The following WDR49 variants were observed in gnomAD, a reference collection of about 807,000 sequenced individuals.
WDR49 encodes WD repeat domain 49, also known as cilia- and flagella-associated protein 337.
Under a neutral mutation model 119.5 loss-of-function variants are expected in WDR49, and 107 were observed. The ratio of observed to expected loss-of-function variants is 0.90; its 90% CI spans 0.77 to 1.05. WDR49 has a LOEUF of 1.05. WDR49 is among the 50% of genes least tolerant of loss of function. WDR49 has a pLI of 0.00. For synonymous variants in WDR49, 425 were observed against 418.8 expected (o/e 1.01, Z -0.18); for missense variants, 1,240 against 1,220.5 (o/e 1.02, Z -0.24).
chr3:167,564,185 C>A (rs957174645), intron 8 of WDR49, among the ~76,000 whole-genome samples: 1 of 152,186 alleles, frequency 6.6e-6, no homozygotes, highest in African/African-American at 2.4e-5. Flanking sequence ...CTCGTGAAAT[C>A]TAAGTCAGTC....
intron 7 of WDR49, among the ~76,000 whole-genome samples, chr3:167,589,538 T>C (rs149550637): frequency 1.3e-5 from 2 of 152,282 alleles, no homozygotes; most frequent in African/African-American, 4.8e-5. Flanking sequence ...AATATGGACA[T>C]TTTAACAATA....
At chr3:167,523,174 G>C (rs1752514577) in intron 15 of WDR49, among the ~76,000 whole-genome samples, 1 of 152,112 alleles carries the variant, frequency 6.6e-6, no homozygotes, top group South Asian at 2.1e-4. Flanking sequence ...CTTGTCATAA[G>C]TGTTTGCAGA....
At position 167,575,871 on chromosome 3, in the gene WDR49, G is replaced by C. The variant is rs749504267; in HGVS notation, c.1509+47C>G. 2.6e-5 allele frequency: 41 copies of C among 1,577,862 alleles called. No homozygotes were observed. In the East Asian group the frequency reaches 9.0e-4, roughly 35 times the overall value. ...ACTGAATTAAGTAAATGAGCCTCTG[G>C]ACTTGGAGATATGTTAGGAGAGTGA... On this transcript the variant is annotated intron_variant, in intron 8 of 18. Coordinates refer to ENST00000682715, the MANE Select transcript of WDR49 (RefSeq NM_001366157.1).
At chr3:167,601,067 G>A (rs1178529908) in intron 7 of WDR49, among the ~76,000 whole-genome samples, 5 of 152,130 alleles carry the variant, frequency 3.3e-5, no homozygotes, top group Non-Finnish European at 7.4e-5. Context: ...TGAAAATAGA[G>A]AGATATATTA....
intron 16 of WDR49, among the ~76,000 whole-genome samples, chr3:167,507,898 A>G (rs1318805435): frequency 6.6e-6 from 1 of 152,222 alleles, no homozygotes; most frequent in East Asian, 1.9e-4. Context: ...GGGAACTGGA[A>G]AAAGGCAAAT....
intron 4 of WDR49, 44 bp downstream of exon 4, chr3:167,621,423 A>C (rs1162180096): frequency 3.5e-6 from 5 of 1,424,178 alleles, no homozygotes; most frequent in Middle Eastern, 1.8e-4. Flanking sequence ...CTACAGTTTG[A>C]TGATTAAATC....
chr3:167,591,197 C>A (rs1234630200), intron 7 of WDR49, among the ~76,000 whole-genome samples: 1 of 151,806 alleles, frequency 6.6e-6, no homozygotes, highest in East Asian at 1.9e-4. Context: ...GTTTAATTTC[C>A]ATGTATTTGT....
intron 18 of WDR49, among the ~76,000 whole-genome samples, chr3:167,491,785 G>T (rs1751141795): frequency 6.6e-6 from 1 of 152,122 alleles, no homozygotes; most frequent in African/African-American, 2.4e-5. Context: ...TATCAAAGAG[G>T]GGTTTCAAGC....
Position 167,626,965 on chromosome 3 carries a change from C to G in WDR49, c.493G>C (p.Ala165Pro). ...YLTISKEGLL[A>P]IWGEHLKLQE... ...AGCTTTAAATGCTCTCCCCAGATTG[C>G]CAATAAACCTTCTTTACTAATTGTC... Residue 165 changes from alanine (A) to proline (P), a missense_variant, in exon 3 of 19, where the codon GCA (alanine) becomes CCA (proline). Coordinates refer to ENST00000682715, the MANE Select transcript of WDR49 (RefSeq NM_001366157.1). The G allele has an allele frequency of 7.5e-7, 1 of 1,334,264 alleles. No individual in the cohort carries two copies. Among genetic ancestry groups the G allele is most frequent in the Non-Finnish European group, 9.6e-7 (1 of 1,043,870 alleles). The allele number at this position is 1,334,264 out of a possible 1,614,324, so 82.7% of individuals were successfully genotyped here. A position where few individuals can be genotyped will look rare whatever the true frequency, so the allele number is the denominator to read the frequency against.
chr3:167,592,085 T>G (rs1044474657), intron 7 of WDR49, among the ~76,000 whole-genome samples: 1 of 152,162 alleles, frequency 6.6e-6, no homozygotes, highest in Non-Finnish European at 1.5e-5. Context: ...AGTTTGAGGT[T>G]ACCATGAGGC....
At chr3:167,595,065 A>C (rs1715340369) in intron 7 of WDR49, among the ~76,000 whole-genome samples, 1 of 150,486 alleles carries the variant, frequency 6.6e-6, no homozygotes, top group Non-Finnish European at 1.5e-5. Context: ...GCATTCTTAT[A>C]CACCAACAAC....
intron 7 of WDR49, among the ~76,000 whole-genome samples, chr3:167,592,077 T>G (rs1407314024): frequency 6.6e-6 from 1 of 152,166 alleles, no homozygotes; most frequent in African/African-American, 2.4e-5. Context: ...TGTTTTTTAG[T>G]TTGAGGTTAC....
In WDR49 at chr3:167,492,900, G is replaced by A. The variant is rs73878725; in HGVS notation, c.3031+7253C>T. Reference sequence around the variant, plus strand: ...GTAATTTTGAAGGTCCCAACATGACGTAGAAGGACCAGGAGTGGAGAACAA... The same window carrying A: ...GTAATTTTGAAGGTCCCAACATGACATAGAAGGACCAGGAGTGGAGAACAA... On this transcript the variant is annotated intron_variant, in intron 18 of 18. Coordinates refer to ENST00000682715, the MANE Select transcript of WDR49 (RefSeq NM_001366157.1). Among the ~76,000 whole-genome samples, 164 of 148,374 alleles carry A rather than the reference G, an allele frequency of 1.1e-3. 1 individual carries two copies. The highest frequency in any genetic ancestry group is 3.4e-3 in the African/African-American group (136 of 40,088).
intron 2 of WDR49, among the ~76,000 whole-genome samples, chr3:167,638,912 T>C (rs1717744405): frequency 6.6e-6 from 1 of 151,636 alleles, no homozygotes; most frequent in Non-Finnish European, 1.5e-5. Context: ...CCTATCCAGC[T>C]GGTGAATTAG....
At chr3:167,599,635 C>T (rs1715661501) in intron 7 of WDR49, among the ~76,000 whole-genome samples, 2 of 152,178 alleles carry the variant, frequency 1.3e-5, no homozygotes, top group Admixed American at 6.5e-5. Context: ...CTGCTTTTCT[C>T]AAATAGAAGT....
At chr3:167,625,990 C>T (rs762635564) in intron 3 of WDR49, among the ~76,000 whole-genome samples, 12 of 150,978 alleles carry the variant, frequency 7.9e-5, no homozygotes, top group Non-Finnish European at 1.3e-4. Flanking sequence ...TAACCATTCA[C>T]GATGTTTGGA....
intron 8 of WDR49, among the ~76,000 whole-genome samples, chr3:167,564,509 G>A (rs1046034668): frequency 3.9e-5 from 6 of 152,178 alleles, no homozygotes; most frequent in African/African-American, 7.2e-5. Context: ...AAGTCTTGGC[G>A]TCACATGTCT....
chr3:167,539,611 G>T (rs1017409288), intron 10 of WDR49, among the ~76,000 whole-genome samples: 1 of 151,954 alleles, frequency 6.6e-6, no homozygotes, highest in Non-Finnish European at 1.5e-5. Context: ...ATCTGTAACC[G>T]TACAGTAGCA....
rs143601672 is a variant in WDR49 at position 167,527,939 on chromosome 3, G to T, written c.2485C>A (p.Arg829=). ...TCACACATCTCTAAGGAACTTATTCGGTCCTCATGAGGTTGGAATGATCTT... is the reference window on the plus strand; with the variant it reads ...TCACACATCTCTAAGGAACTTATTCTGTCCTCATGAGGTTGGAATGATCTT... ...LIRSFQPHED[R]ISSLEMCEPG... The change falls in exon 15 of 19, where the codon CGA becomes AGA. Residue 829 remains arginine (R), a synonymous_variant. Coordinates refer to ENST00000682715, the MANE Select transcript of WDR49 (RefSeq NM_001366157.1). The T allele has an allele frequency of 6.2e-7, 1 of 1,613,248 alleles. No homozygotes were observed. The highest frequency in any genetic ancestry group is 8.5e-7 in the Non-Finnish European group (1 of 1,179,568).
Sources: gnomAD v4.1 joint callset for allele counts (sites outside exome capture counted in the v4.1 genomes callset) on GRCh38, gnomAD v4.1.1 for gene constraint, MANE v1.5 for transcripts, NCBI Gene and HGNC (gene_info 2026-07-23, HGNC 2026-07-21) for gene names.